VWF: variants seen among roughly 807,000 people sequenced by gnomAD.
VWF encodes Factor VIII related antigen.
A neutral mutation model predicts 308.6 loss-of-function variants in VWF; 176 were observed. The observed-to-expected ratio is 0.57, with a 90% CI of 0.50 to 0.65. VWF has a LOEUF of 0.65. Ranked by LOEUF, VWF falls within the 30% of genes least tolerant of loss-of-function variation. The pLI is 0.00. For missense variants in VWF, 3,146 were observed against 3,648.2 expected (o/e 0.86, Z 3.55); for synonymous variants, 1,385 against 1,443.4 (o/e 0.96, Z 0.92).
chr12:6,094,374 T>C lies in VWF; in HGVS notation c.657+1086A>G, dbSNP rs568175553. ...AGTTTTCCTTCCAGCTGAGCTGGTA[T>C]AAGAGGAGGCTTTCCCTCCTATTTC... On this transcript the variant is annotated intron_variant, in intron 6 of 51. Coordinates refer to ENST00000261405, the MANE Select transcript of VWF (RefSeq NM_000552.5). Among the ~76,000 whole-genome samples the C allele has an allele frequency of 4.6e-5, 7 of 152,338 alleles. No homozygotes were observed. In the East Asian group the frequency reaches 7.7e-4, roughly 17 times the overall value.
At position 5,949,864 on chromosome 12, in the gene VWF, G is replaced by C; in HGVS notation, c.8175C>G (p.Asn2725Lys). 1 of 1,613,714 alleles carries C rather than the reference G, an allele frequency of 6.2e-7. No individual in the cohort carries two copies. Among genetic ancestry groups the C allele is most frequent in the Non-Finnish European group, 8.5e-7 (1 of 1,179,988 alleles). ...CATACTGCAGCCTGGCAGTGATGTC[G>C]TTGCACTCAGGCTCCTCACCTACAG... ...CCDTCEEPEC[N>K]DITARLQYVK... The change falls in exon 51 of 52, where the codon AAC (asparagine) becomes AAG (lysine). Residue 2725 changes from asparagine (N) to lysine (K), a missense_variant. Physicochemically the swap from Asn to Lys is moderately conservative, Grantham distance 94 (BLOSUM62 0). Around this residue, in one of 3 missense-constraint regions of VWF, gnomAD observed 989 missense variants for 1,117.4 expected, o/e 0.89. Coordinates refer to ENST00000261405, the MANE Select transcript of VWF (RefSeq NM_000552.5).
rs1408929863 is a variant in VWF, at chr12:6,099,721, C to T, written c.533-4137G>A. Among the ~76,000 whole-genome samples the T allele has an allele frequency of 3.9e-5, 6 of 152,022 alleles. No individual in the cohort carries two copies. In the South Asian group the frequency reaches 6.2e-4, roughly 16 times the overall value. The stretch of plus-strand genomic sequence containing the variant: ...AAGCTGAAACTGGATCCCTTCCTTA[C>T]ACCTTATACAAAAATTAATTCAAGA... On this transcript the variant is annotated intron_variant, in intron 5 of 51. Transcript: ENST00000261405.
At chr12:6,006,155 T>G (rs1172104866) in intron 34 of VWF, among the ~76,000 whole-genome samples, 2 of 152,250 alleles carry the variant, frequency 1.3e-5, no homozygotes, top group East Asian at 3.9e-4. Context: ...CGTGAGCAAT[T>G]GAAATTAAGT....
At chr12:6,088,834 T>C (rs1214328301) in intron 6 of VWF, among the ~76,000 whole-genome samples, 1 of 152,220 alleles carries the variant, frequency 6.6e-6, no homozygotes, top group African/African-American at 2.4e-5. Flanking sequence ...CAAATTTGCA[T>C]GCAATCAAAC....
intron 32 of VWF, 24 bp downstream of exon 32, chr12:6,013,453 GAAGT>G (rs1348202187): frequency 6.2e-7 from 1 of 1,613,670 alleles, no homozygotes; most frequent in African/African-American, 1.3e-5. Flanking sequence ...TTTTTTGAGG[GAAGT>G]AAGAAAGGTA....
intron 34 of VWF, among the ~76,000 whole-genome samples, chr12:6,004,346 G>A (rs190743852): frequency 5.2e-4 from 79 of 152,084 alleles, no homozygotes; most frequent in South Asian, 3.3e-3. Flanking sequence ...CATAGATGCT[G>A]AAAAAGCCTT....
chr12:5,978,365 T>C (rs216859), intron 42 of VWF, among the ~76,000 whole-genome samples: 127,395 of 152,080 alleles, frequency 0.84, 53,832 homozygotes, highest in East Asian at 0.92. Flanking sequence ...CGGATTCAAG[T>C]GATTCTCCTG....
Position 6,044,418 on chromosome 12 carries a change from A to C in VWF, c.2315T>G (p.Val772Gly), listed in dbSNP as rs1053973832. Reference sequence around the variant, plus strand: ...GTTGTCAGCGGGACACACCAGCTTGACCATGGGGGGCCGACAGGATAGGCT... The same window carrying C: ...GTTGTCAGCGGGACACACCAGCTTGCCCATGGGGGGCCGACAGGATAGGCT... Reference protein sequence around the residue: ...KRSLSCRPPMVKLVCPADNLR... With the variant: ...KRSLSCRPPMGKLVCPADNLR... The change falls in exon 18 of 52, where the codon GTC becomes GGC. Residue 772 changes from valine to glycine, a missense_variant. By Grantham distance (109) the Val-to-Gly change is moderately radical. Transcript: ENST00000261405. The C allele has an allele frequency of 6.2e-7, 1 of 1,614,198 alleles. No homozygotes were observed. The highest frequency in any genetic ancestry group is 8.5e-7 in the Non-Finnish European group (1 of 1,180,032).
At chr12:6,123,056 C>G in intron 2 of VWF, 86 bp downstream of exon 2, 1 of 1,548,200 alleles carries the variant, frequency 6.5e-7, no homozygotes, top group Non-Finnish European at 8.9e-7. Context: ...CAGGTGAGCT[C>G]CAGACACACC....
intron 20 of VWF, among the ~76,000 whole-genome samples, chr12:6,033,684 C>T (rs943302560): frequency 2.6e-5 from 4 of 152,212 alleles, no homozygotes; most frequent in African/African-American, 9.7e-5. Context: ...TCTGGGCCAG[C>T]CCGGGTGTGA....
chr12:6,056,973 T>A lies in VWF; in HGVS notation c.1829A>T (p.Tyr610Phe), dbSNP rs1181065227. Residue 610 changes from tyrosine (Y) to phenylalanine (F), a missense_variant, in exon 15 of 52, where the codon TAC becomes TTC. By Grantham distance (22) the Tyr-to-Phe change is conservative. Transcript: ENST00000261405. The part of the protein sequence containing the change: ...SPLPYLRNCR[Y>F]DVCSCSDGRE... ...GCCGTCCGAGCAGGAGCACACGTCG[T>A]AGCGGCAGTTCCGCAGGTAGGGCAG... is the stretch of plus-strand genomic sequence containing the variant. The A allele has an allele frequency of 1.3e-6, 2 of 1,542,772 alleles. No homozygotes were observed. The highest frequency in any genetic ancestry group is 1.7e-6 in the Non-Finnish European group (2 of 1,148,904).
chr12:6,069,310 G>A (rs180935700), intron 10 of VWF, among the ~76,000 whole-genome samples: 5 of 151,898 alleles, frequency 3.3e-5, no homozygotes, highest in African/African-American at 1.2e-4. Flanking sequence ...ATCTGAATAC[G>A]GGCAGGTCTG....
intron 6 of VWF, among the ~76,000 whole-genome samples, chr12:6,092,624 T>TGAGAGTGAGAGAGAGAGAGAGAGA (rs1180180618): frequency 2.3e-5 from 2 of 87,064 alleles, no homozygotes; most frequent in African/African-American, 1.3e-4. Context: ...TGAGAGTGTG[T>TGAGAGTGAGAGAGAGAGAGAGAGA]GTGTGTGTGT....
rs1018321050 is a variant in VWF, at chr12:6,020,044, A to G, written c.3675-301T>C. On this transcript the variant is annotated intron_variant, in intron 27 of 51. Transcript: ENST00000261405. The surrounding 1 kb of genome is among the most constrained non-coding windows in gnomAD (Gnocchi z 4.3). ...CTCGTTGTTCTAGGCCATCCACACA[A>G]CCACTCAAAGCTGATTTCTTTTCAA... Among the ~76,000 whole-genome samples the G allele has an allele frequency of 1.6e-4, 24 of 152,148 alleles. No homozygotes were observed. Among genetic ancestry groups the G allele is most frequent in the African/African-American group, 5.6e-4 (23 of 41,424 alleles).
At chr12:5,984,446 C>A (rs1438355792) in intron 40 of VWF, among the ~76,000 whole-genome samples, 1 of 152,254 alleles carries the variant, frequency 6.6e-6, no homozygotes. Flanking sequence ...TCTATCTGCT[C>A]TCCCTTCAAT....
At chr12:6,108,306 A>AAG (rs1945265839) in intron 5 of VWF, among the ~76,000 whole-genome samples, 1 of 142,552 alleles carries the variant, frequency 7.0e-6, no homozygotes, top group Non-Finnish European at 1.5e-5. Flanking sequence ...AAAAAAAAAA[A>AAG]AAAGAAAGAA....
chr12:6,062,921 C>T (rs776322693), intron 13 of VWF, 33 bp downstream of exon 13: 31 of 1,579,180 alleles, frequency 2.0e-5, no homozygotes, highest in Admixed American at 1.0e-4. Context: ...AGGGTCGGGC[C>T]GCAGGGAGCC....
At chr12:6,056,802 A>C in intron 15 of VWF, 55 bp downstream of exon 15, 1 of 1,311,806 alleles carries the variant, frequency 7.6e-7, no homozygotes, top group Non-Finnish European at 9.7e-7. Flanking sequence ...CGAAAAGCAC[A>C]CGTGGACGGA....
At chr12:5,967,875 C>T (rs913265145) in intron 46 of VWF, among the ~76,000 whole-genome samples, 5 of 152,174 alleles carry the variant, frequency 3.3e-5, no homozygotes, top group Admixed American at 1.3e-4. Flanking sequence ...TGCTTCTCTG[C>T]ACACAGAAGA....
Sources: allele counts gnomAD v4.1 joint callset (sites outside exome capture counted in the v4.1 genomes callset), GRCh38; gene constraint gnomAD v4.1.1; regional missense constraint gnomAD v4.1.1; non-coding constraint Gnocchi (gnomAD v3.1); transcripts MANE v1.5; gene names NCBI Gene and HGNC (gene_info 2026-07-23, HGNC 2026-07-21).